The following MYO3B variants were observed in gnomAD, a reference collection of about 807,000 sequenced individuals.
MYO3B encodes the protein myosin-IIIb.
MYO3B carries 156 observed loss-of-function variants against 174.6 expected under a neutral mutation model. The ratio of observed to expected loss-of-function variants is 0.89; its 90% CI spans 0.78 to 1.02. MYO3B has a LOEUF of 1.02. Ranked by LOEUF, MYO3B falls within the 50% of genes least tolerant of loss-of-function variation. The pLI is 0.00. For missense variants in MYO3B, 1,632 were observed against 1,639.4 expected (o/e 1.00, Z 0.08); for synonymous variants, 563 against 569.1 (o/e 0.99, Z 0.15).
chr2:170,211,909 T>C (rs2092774251), intron 3 of MYO3B, among the ~76,000 whole-genome samples: 1 of 149,936 alleles, frequency 6.7e-6, no homozygotes, highest in South Asian at 2.1e-4. Flanking sequence ...TAAACCCTGA[T>C]AGTTGGGGTC....
At chr2:170,229,992 T>C (rs143358283) in intron 6 of MYO3B, among the ~76,000 whole-genome samples, 179 of 152,262 alleles carry the variant, frequency 1.2e-3, no homozygotes, top group African/African-American at 4.2e-3. Flanking sequence ...GGAATTTCAT[T>C]TGTAAAACTG....
chr2:170,379,203 T>G lies in MYO3B; in HGVS notation c.972-2813T>G, dbSNP rs1025584925. 1.6e-3 allele frequency among the ~76,000 whole-genome samples: 242 copies of G among 151,656 alleles called. 2 individuals are homozygous for G. The highest frequency in any genetic ancestry group is 5.6e-3 in the African/African-American group (233 of 41,370). On this transcript the variant is annotated intron_variant, in intron 9 of 34. Coordinates refer to ENST00000408978, the MANE Select transcript of MYO3B (RefSeq NM_138995.5). ...ATGAAAATGTGGTACAATTTTTTTT[T>G]TTTTTTTTTTGAGACGGAATCTTGC...
rs184409744 is a variant in MYO3B, at chr2:170,603,551, A to G, written c.3734-48077A>G. ...GATTTCATAGATGAAGGAGTCACACAAACATCAGCCACCTTTTTTTTACTA... is the reference window on the plus strand; with the variant it reads ...GATTTCATAGATGAAGGAGTCACACGAACATCAGCCACCTTTTTTTTACTA... On this transcript the variant is annotated intron_variant, in intron 32 of 34. Transcript: ENST00000408978. Among the ~76,000 whole-genome samples the G allele has an allele frequency of 1.9e-3, 284 of 152,276 alleles. 1 individual carries two copies. Among genetic ancestry groups the G allele is most frequent in the African/African-American group, 6.4e-3 (265 of 41,544 alleles).
intron 25 of MYO3B, among the ~76,000 whole-genome samples, chr2:170,466,943 T>A (rs1684676499): frequency 6.6e-6 from 1 of 152,204 alleles, no homozygotes; most frequent in South Asian, 2.1e-4. Context: ...AATTTCCATA[T>A]ACGTTTATAT....
intron 32 of MYO3B, among the ~76,000 whole-genome samples, chr2:170,629,744 C>G (rs142404917): frequency 1.3e-5 from 2 of 152,134 alleles, no homozygotes; most frequent in African/African-American, 4.8e-5. Context: ...CAGCTACTCA[C>G]GAGGCTGAGA....
chr2:170,357,341 A>T (rs2094129698), intron 8 of MYO3B, among the ~76,000 whole-genome samples: 1 of 146,382 alleles, frequency 6.8e-6, no homozygotes, highest in African/African-American at 2.5e-5. Flanking sequence ...AATATATATT[A>T]TATATATATA....
At chr2:170,609,687 G>A (rs1024618252) in intron 32 of MYO3B, among the ~76,000 whole-genome samples, 1 of 152,238 alleles carries the variant, frequency 6.6e-6, no homozygotes, top group Non-Finnish European at 1.5e-5. Context: ...ATTCTCAGCA[G>A]GTGACATTAT....
intron 7 of MYO3B, among the ~76,000 whole-genome samples, chr2:170,255,642 C>A (rs2093298405): frequency 1.3e-5 from 2 of 151,898 alleles, no homozygotes; most frequent in Admixed American, 6.6e-5. Flanking sequence ...GAAAAAAAAA[C>A]CCAGAACCCC....
At chr2:170,432,345 T>C (rs2094716151) in intron 22 of MYO3B, among the ~76,000 whole-genome samples, 1 of 152,070 alleles carries the variant, frequency 6.6e-6, no homozygotes, top group Non-Finnish European at 1.5e-5. Flanking sequence ...TCAGCTAGTA[T>C]GGGTGTTAGT....
Position 170,214,464 on chromosome 2 carries a change from T to A in MYO3B, c.407T>A (p.Ile136Asn). Residue 136 changes from isoleucine to asparagine, a missense_variant, in exon 4 of 35, where the codon ATC (isoleucine) becomes AAC (asparagine). Ile to Asn is a moderately radical substitution (Grantham distance 149, BLOSUM62 -3). Coordinates refer to ENST00000408978, the MANE Select transcript of MYO3B (RefSeq NM_138995.5). ...TTGGATGAAGCAATGATCTCATACA[T>A]CTTGTACGGGGCCCTCTTGGTAAGA... is the stretch of plus-strand genomic sequence containing the variant. ...QRLDEAMISY[I>N]LYGALLGLQH... 1 of 1,614,146 alleles carries A rather than the reference T, an allele frequency of 6.2e-7. No homozygotes were observed. Among genetic ancestry groups the A allele is most frequent in the South Asian group, 1.1e-5 (1 of 91,070 alleles).
intron 8 of MYO3B, among the ~76,000 whole-genome samples, chr2:170,353,002 T>A (rs2094088398): frequency 6.6e-6 from 1 of 152,228 alleles, no homozygotes; most frequent in South Asian, 2.1e-4. Flanking sequence ...TTTGCTAATT[T>A]CTTACAAAAG....
At chr2:170,325,995 A>T (rs779095527) in intron 7 of MYO3B, among the ~76,000 whole-genome samples, 3 of 152,142 alleles carry the variant, frequency 2.0e-5, no homozygotes, top group Non-Finnish European at 4.4e-5. Flanking sequence ...AACAATTTTC[A>T]TATAAAACAA....
intron 32 of MYO3B, among the ~76,000 whole-genome samples, chr2:170,556,678 C>A (rs143840045): frequency 1.3e-5 from 2 of 152,152 alleles, no homozygotes; most frequent in Non-Finnish European, 2.9e-5. Flanking sequence ...TGTGTCACCA[C>A]GTCTGGCTAA....
intron 7 of MYO3B, among the ~76,000 whole-genome samples, chr2:170,278,695 C>G (rs557331444): frequency 6.6e-6 from 1 of 152,038 alleles, no homozygotes; most frequent in African/African-American, 2.4e-5. Context: ...TACCAAACAT[C>G]AGAACTTATC....
intron 32 of MYO3B, among the ~76,000 whole-genome samples, chr2:170,565,214 C>T (rs796916678): frequency 8.5e-5 from 13 of 152,198 alleles, no homozygotes; most frequent in African/African-American, 2.6e-4. Flanking sequence ...AATGAGCATT[C>T]GTAGTATTGT....
chr2:170,630,254 A>G (rs1696835480), intron 32 of MYO3B, among the ~76,000 whole-genome samples: 1 of 152,154 alleles, frequency 6.6e-6, no homozygotes, highest in Non-Finnish European at 1.5e-5. Flanking sequence ...AGGAGATTAT[A>G]TCCTGCACTT....
rs549191345 is a variant in MYO3B, at chr2:170,311,892, A to G, written c.750-23493A>G. Among the ~76,000 whole-genome samples, 12 of 152,322 alleles carry G rather than the reference A, an allele frequency of 7.9e-5. No homozygotes were observed. In the Middle Eastern group the frequency reaches 0.017, roughly 216 times the overall value. Reference sequence around the variant, plus strand: ...TTCTCCATTGAATGGTCTTGGCAACATTGTCGAAAATCAATCAAATATATG... The same window carrying G: ...TTCTCCATTGAATGGTCTTGGCAACGTTGTCGAAAATCAATCAAATATATG... On this transcript the variant is annotated intron_variant, in intron 7 of 34. Coordinates refer to ENST00000408978, the MANE Select transcript of MYO3B (RefSeq NM_138995.5).
At chr2:170,564,715 C>CT (rs535826983) in intron 32 of MYO3B, among the ~76,000 whole-genome samples, 10 of 148,884 alleles carry the variant, frequency 6.7e-5, no homozygotes, top group Admixed American at 1.3e-4. Flanking sequence ...CGCTCAGAAT[C>CT]TTTTTTTTTT....
intron 30 of MYO3B, among the ~76,000 whole-genome samples, chr2:170,530,362 C>A (rs920731986): frequency 6.6e-6 from 1 of 152,236 alleles, no homozygotes; most frequent in Non-Finnish European, 1.5e-5. Context: ...CTGATCCAGA[C>A]CCTCCCGGGA....
Sources: gnomAD v4.1 joint callset for allele counts (sites outside exome capture counted in the v4.1 genomes callset) on GRCh38, gnomAD v4.1.1 for gene constraint, MANE v1.5 for transcripts, NCBI Gene and HGNC (gene_info 2026-07-23, HGNC 2026-07-21) for gene names.